The following LRBA variants were observed in gnomAD, a reference collection of about 807,000 sequenced individuals.
LRBA encodes LPS responsive beige-like anchor protein.
LRBA carries 176 observed loss-of-function variants against 330.0 expected under a neutral mutation model. That is an observed-to-expected ratio of 0.53 (90% confidence interval 0.47 to 0.60). The LOEUF (loss-of-function observed/expected upper bound fraction) is 0.60. LRBA is among the 20% of genes least tolerant of loss of function. The pLI is 0.00. For synonymous variants in LRBA, 1,230 were observed against 1,193.0 expected, an observed-to-expected ratio of 1.03 and a Z score of -0.64; for missense variants, 3,259 against 3,444.8, an observed-to-expected ratio of 0.95 and a Z score of 1.35.
intron 35 of LRBA, among the ~76,000 whole-genome samples, chr4:150,754,066 C>CAA (rs113747160): frequency 1.8e-5 from 2 of 112,570 alleles, no homozygotes; most frequent in Non-Finnish European, 3.8e-5. Flanking sequence ...AGACTCCATC[C>CAA]AAAAAAAAAA....
chr4:150,623,875 C>G (rs1043598618), intron 37 of LRBA, among the ~76,000 whole-genome samples: 1 of 151,768 alleles, frequency 6.6e-6, no homozygotes, highest in African/African-American at 2.4e-5. Flanking sequence ...TATTATTATA[C>G]TTTAAGTTTT....
rs557039881 is a variant in LRBA, at chr4:150,792,441, A to C, written c.5580+5640T>G. On this transcript the variant is annotated intron_variant, in intron 34 of 56. Transcript: ENST00000651943. ...TTGGGTATATGTCAAAATTCACTGA[A>C]CAGTACACTTAAAATGTGTGGGTAT... Among the ~76,000 whole-genome samples, 141 of 152,336 alleles carry C rather than the reference A, an allele frequency of 9.3e-4. 1 individual carries two copies. Among genetic ancestry groups the C allele is most frequent in the African/African-American group, 2.5e-3 (106 of 41,582 alleles).
chr4:150,518,197 G>C (rs1055064829), intron 40 of LRBA, among the ~76,000 whole-genome samples: 10 of 152,144 alleles, frequency 6.6e-5, no homozygotes, highest in African/African-American at 1.9e-4. Context: ...AGGGTTACTT[G>C]AACACAAGAA....
At chr4:150,783,978 T>C (rs1578769767) in intron 34 of LRBA, among the ~76,000 whole-genome samples, 1 of 152,210 alleles carries the variant, frequency 6.6e-6, no homozygotes, top group South Asian at 2.1e-4. Context: ...TTTGTTAGTA[T>C]GTACTCAGAG....
Position 150,467,732 on chromosome 4 carries a change from T to C in LRBA, c.6721A>G (p.Asn2241Asp). 6.2e-7 allele frequency: 1 copy of C among 1,609,994 alleles called. No homozygotes were observed. The highest frequency in any genetic ancestry group is 8.5e-7 in the Non-Finnish European group (1 of 1,177,266). ...AGATCCAGTTCTTCTGATTCATAATTAGTGATGACCCAAGGAAACACTGGA... is the reference window on the plus strand; with the variant it reads ...AGATCCAGTTCTTCTGATTCATAATCAGTGATGACCCAAGGAAACACTGGA... ...QYPVFPWVIT[N>D]YESEELDLTL... The change falls in exon 44 of 57, where the codon AAT (asparagine) becomes GAT (aspartate). Residue 2241 changes from asparagine (N) to aspartate (D), a missense_variant. By Grantham distance (23) the Asn-to-Asp change is conservative (BLOSUM62 1). Coordinates refer to ENST00000651943, the MANE Select transcript of LRBA (RefSeq NM_001364905.1).
chr4:150,412,721 T>C (rs948645592), intron 47 of LRBA, among the ~76,000 whole-genome samples: 3 of 151,938 alleles, frequency 2.0e-5, no homozygotes, highest in Admixed American at 6.6e-5. Flanking sequence ...AGAAAACCGA[T>C]TCCCTTGAGA....
chr4:150,583,954 T>G lies in LRBA; in HGVS notation c.6330+4094A>C. 1 of 1,613,822 alleles carries G rather than the reference T, an allele frequency of 6.2e-7. No homozygotes were observed. The highest frequency in any genetic ancestry group is 8.5e-7 in the Non-Finnish European group (1 of 1,179,898). ...CAACGGCATCCTGCTGCAGCTCATCTCCTGCCTGCAGTGCCGCCGCTGCCC... is the reference window on the plus strand; with the variant it reads ...CAACGGCATCCTGCTGCAGCTCATCGCCTGCCTGCAGTGCCGCCGCTGCCC... On this transcript the variant is annotated intron_variant, in intron 40 of 56. Transcript: ENST00000651943. The surrounding 1 kb of genome is among the most constrained non-coding windows in gnomAD (Gnocchi z 9.8).
intron 2 of LRBA, among the ~76,000 whole-genome samples, chr4:150,998,793 T>C (rs1449048158): frequency 6.6e-6 from 1 of 152,212 alleles, no homozygotes. Flanking sequence ...TATGTATAAA[T>C]ACATGTAAGC....
chr4:150,555,806 A>T (rs2152257809), intron 40 of LRBA, among the ~76,000 whole-genome samples: 1 of 144,794 alleles, frequency 6.9e-6, no homozygotes, highest in East Asian at 2.2e-4. Context: ...GAATCTAAAA[A>T]TATTCTCTTT....
intron 2 of LRBA, among the ~76,000 whole-genome samples, chr4:150,953,016 A>G (rs1198065641): frequency 6.6e-6 from 1 of 152,110 alleles, no homozygotes; most frequent in Non-Finnish European, 1.5e-5. Context: ...AACTGTTTCC[A>G]TATAAGCAAA....
intron 22 of LRBA, among the ~76,000 whole-genome samples, chr4:150,866,646 C>A (rs1024072432): frequency 9.9e-5 from 15 of 152,138 alleles, no homozygotes; most frequent in African/African-American, 3.6e-4. Flanking sequence ...TATAAGTCAG[C>A]AATTCTACTT....
chr4:150,812,372 T>C (rs1196385221), intron 31 of LRBA, among the ~76,000 whole-genome samples: 1 of 152,172 alleles, frequency 6.6e-6, no homozygotes, highest in African/African-American at 2.4e-5. Flanking sequence ...AATGCAAATA[T>C]ATCATCTGTC....
chr4:150,639,841 A>G (rs13101354), intron 37 of LRBA, among the ~76,000 whole-genome samples: 6,477 of 40,550 alleles, frequency 0.16, 1,719 homozygotes, highest in Non-Finnish European at 0.24. Flanking sequence ...ATATATATAT[A>G]TATATATATA....
chr4:150,579,657 CG>C (rs1367755457), intron 40 of LRBA: 6 of 456,594 alleles, frequency 1.3e-5, no homozygotes, highest in African/African-American at 1.2e-4. Context: ...TTGACAGAGC[CG>C]CCAGTGGAGG....
chr4:150,979,961 T>C lies in LRBA; in HGVS notation c.216+34466A>G, dbSNP rs553931788. 6.2e-4 allele frequency among the ~76,000 whole-genome samples: 95 copies of C among 152,182 alleles called. 1 individual carries two copies. In the Middle Eastern group the frequency reaches 0.014, roughly 22 times the overall value. ...AATAGGGGAGGGAATACTTCCAAAC[T>C]CATTCAACATGGCCAGTATTACCCT... is the stretch of plus-strand genomic sequence containing the variant. On this transcript the variant is annotated intron_variant, in intron 2 of 56. Transcript: ENST00000651943.
intron 33 of LRBA, among the ~76,000 whole-genome samples, chr4:150,799,733 T>G (rs1367907217): frequency 3.3e-5 from 5 of 152,164 alleles, no homozygotes; most frequent in Non-Finnish European, 7.3e-5. Context: ...CTTATCATAT[T>G]TCATACATAT....
At chr4:150,523,328 G>T (rs1763124543) in intron 40 of LRBA, among the ~76,000 whole-genome samples, 1 of 152,012 alleles carries the variant, frequency 6.6e-6, no homozygotes. Context: ...CTTATGAATG[G>T]GATGGATAAC....
At chr4:150,430,081 A>C (rs1012849458) in intron 46 of LRBA, among the ~76,000 whole-genome samples, 1 of 152,122 alleles carries the variant, frequency 6.6e-6, no homozygotes. Context: ...TGCCCAAGTC[A>C]AATTTAATCT....
At chr4:150,513,187 C>T (rs1437088962) in intron 40 of LRBA, among the ~76,000 whole-genome samples, 5 of 152,170 alleles carry the variant, frequency 3.3e-5, no homozygotes, top group African/African-American at 1.2e-4. Context: ...AATCATACTA[C>T]CTCTGTGCTG....
Sources: gnomAD v4.1 joint callset for allele counts (sites outside exome capture counted in the v4.1 genomes callset) on GRCh38, gnomAD v4.1.1 for gene constraint, Gnocchi (gnomAD v3.1) non-coding constraint, MANE v1.5 for transcripts, NCBI Gene and HGNC (gene_info 2026-07-23, HGNC 2026-07-21) for gene names.